Variants in KIAA0513 observed in about 807,000 individuals in gnomAD.
KIAA0513 encodes uncharacterized protein KIAA0513.
A neutral mutation model predicts 56.5 loss-of-function variants in KIAA0513; 39 were observed. That is an observed-to-expected ratio of 0.69 (90% CI 0.53 to 0.90). KIAA0513 has a LOEUF of 0.90. Ranked by LOEUF, KIAA0513 falls within the 40% of genes least tolerant of loss-of-function variation. The pLI is 0.00. For missense variants in KIAA0513, 591 were observed against 535.2 expected (o/e 1.10, Z -1.03); for synonymous variants, 268 against 215.6 (o/e 1.24, Z -2.13).
chr16:85,069,105 A>C (rs1262438290), intron 2 of KIAA0513, among the ~76,000 whole-genome samples: 1 of 151,958 alleles, frequency 6.6e-6, no homozygotes, highest in Non-Finnish European at 1.5e-5. Flanking sequence ...ATCACAGCTC[A>C]CTGCAGCCTC....
At chr16:85,073,096 C>A (rs1003844280) in intron 4 of KIAA0513, 98 bp downstream of exon 4, 8 of 972,720 alleles carry the variant, frequency 8.2e-6, no homozygotes, top group Non-Finnish European at 1.3e-5. Context: ...AGCTGTGAAC[C>A]ATATCCACAC....
rs572862005 is a variant in KIAA0513, at chr16:85,038,098, G to T, written c.-173+10240G>T. Among the ~76,000 whole-genome samples the T allele has an allele frequency of 3.4e-3, 525 of 152,312 alleles. 2 individuals are homozygous for T. Among genetic ancestry groups the T allele is most frequent in the Non-Finnish European group, 6.2e-3 (419 of 68,026 alleles). ...CTGCAAGTCCCTGCTTCCATGGGCT[G>T]GTCCCTGTAGCCCTCCCACCCTCAG... On this transcript the variant is annotated intron_variant, in intron 1 of 12. Transcript: ENST00000683363.
chr16:85,063,833 G>T (rs935369895), intron 1 of KIAA0513, among the ~76,000 whole-genome samples: 1 of 151,650 alleles, frequency 6.6e-6, no homozygotes, highest in Non-Finnish European at 1.5e-5. Flanking sequence ...TTCAGTATTC[G>T]CAGGCCTCTG....
At chr16:85,060,014 G>A (rs942044795) in intron 1 of KIAA0513, among the ~76,000 whole-genome samples, 3 of 152,228 alleles carry the variant, frequency 2.0e-5, no homozygotes, top group African/African-American at 7.2e-5. Flanking sequence ...AGGCTGGAGT[G>A]CAGTGGCGCT....
chr16:85,041,104 T>C (rs2073098801), intron 1 of KIAA0513, among the ~76,000 whole-genome samples: 1 of 152,104 alleles, frequency 6.6e-6, no homozygotes, highest in Admixed American at 6.6e-5. Flanking sequence ...AGAAAAGTGG[T>C]TGATTATATA....
chr16:85,042,963 A>G (rs2073123319), intron 1 of KIAA0513, among the ~76,000 whole-genome samples: 1 of 152,228 alleles, frequency 6.6e-6, no homozygotes, highest in African/African-American at 2.4e-5. Context: ...TTTTTAGAAA[A>G]CTGTGATTGT....
chr16:85,049,816 C>T (rs965556595), intron 1 of KIAA0513, among the ~76,000 whole-genome samples: 3 of 152,204 alleles, frequency 2.0e-5, no homozygotes, highest in Non-Finnish European at 2.9e-5. Flanking sequence ...AGAATGGCCT[C>T]ATTCACATTC....
intron 1 of KIAA0513, among the ~76,000 whole-genome samples, chr16:85,050,100 G>A (rs2073229205): frequency 6.6e-6 from 1 of 152,032 alleles, no homozygotes; most frequent in South Asian, 2.1e-4. Flanking sequence ...CTCAGTCAAT[G>A]GTGATCGCTG....
intron 1 of KIAA0513, among the ~76,000 whole-genome samples, chr16:85,062,907 C>T (rs1362106781): frequency 2.0e-5 from 3 of 152,178 alleles, no homozygotes; most frequent in African/African-American, 7.2e-5. Flanking sequence ...AATGACCTTT[C>T]CTTCTTAGAG....
At chr16:85,064,643 T>C (rs2073452818) in intron 1 of KIAA0513, among the ~76,000 whole-genome samples, 1 of 152,222 alleles carries the variant, frequency 6.6e-6, no homozygotes, top group African/African-American at 2.4e-5. Flanking sequence ...TATATCGTGG[T>C]TATTAGTATG....
intron 4 of KIAA0513, among the ~76,000 whole-genome samples, chr16:85,075,444 G>T (rs2073642277): frequency 6.6e-6 from 1 of 152,210 alleles, no homozygotes; most frequent in African/African-American, 2.4e-5. Context: ...AGCCAGGGAT[G>T]CGGGGAAGGT....
At chr16:85,075,417 G>C (rs2073641844) in intron 4 of KIAA0513, among the ~76,000 whole-genome samples, 1 of 152,198 alleles carries the variant, frequency 6.6e-6, no homozygotes, top group Admixed American at 6.5e-5. Flanking sequence ...TGCGAATGCT[G>C]TGGGCGGGAG....
intron 1 of KIAA0513, among the ~76,000 whole-genome samples, chr16:85,042,831 G>A (rs74033922): frequency 0.012 from 1,830 of 152,280 alleles, 38 homozygotes; most frequent in African/African-American, 0.041. Context: ...TTTGTGCCAG[G>A]CCTCGCCGTG....
chr16:85,088,394 G>A lies in KIAA0513; in HGVS notation c.*69G>A, dbSNP rs1487464123. On this transcript the variant is annotated 3_prime_UTR_variant, in exon 13 of 13. Transcript: ENST00000683363. The stretch of plus-strand genomic sequence containing the variant: ...ATTCTCCCGGGCCCAGCGCCCGGCC[G>A]TCACCCCACCCGATGACCTGCATGA... The A allele has an allele frequency of 7.9e-6, 11 of 1,392,168 alleles. No individual in the cohort carries two copies. Among genetic ancestry groups the A allele is most frequent in the South Asian group, 3.5e-5 (3 of 86,304 alleles). The allele number at this position is 1,392,168 out of a possible 1,614,324, so 86.2% of individuals were successfully genotyped here. A position where few individuals can be genotyped will look rare whatever the true frequency, so the allele number is the denominator to read the frequency against.
intron 1 of KIAA0513, among the ~76,000 whole-genome samples, chr16:85,035,057 G>C (rs534753474): frequency 4.4e-4 from 67 of 152,290 alleles, no homozygotes; most frequent in African/African-American, 1.6e-3. Context: ...CGAGCCGTCA[G>C]GTACCCTGCT....
intron 1 of KIAA0513, among the ~76,000 whole-genome samples, chr16:85,062,229 C>CAT (rs1041947708): frequency 3.3e-5 from 5 of 151,928 alleles, no homozygotes; most frequent in Non-Finnish European, 7.4e-5. Flanking sequence ...CACACACACA[C>CAT]ACACACCCCA....
rs757735347 is a variant in KIAA0513, at chr16:85,081,335, A to G, written c.923A>G (p.Asn308Ser). 2 of 1,609,440 alleles carry G rather than the reference A, an allele frequency of 1.2e-6. No individual in the cohort carries two copies. Among genetic ancestry groups the G allele is most frequent in the South Asian group, 1.1e-5 (1 of 89,958 alleles). ...QPIWHTLRFW[N>S]AAFFDAVHCE... ...TGCAGGCACACTCTGAGGTTCTGGAATGCAGCCTTTTTTGACGCTGTCCAT... is the reference window on the plus strand; with the variant it reads ...TGCAGGCACACTCTGAGGTTCTGGAGTGCAGCCTTTTTTGACGCTGTCCAT... The change falls in exon 9 of 13, where the codon AAT becomes AGT. Residue 308 changes from asparagine to serine, a missense_variant. Transcript: ENST00000683363. This position sits in a 1 kb window ranked among gnomAD's most constrained non-coding sequence, Gnocchi z 4.4.
At chr16:85,070,982 T>G (rs3794679) in intron 2 of KIAA0513, among the ~76,000 whole-genome samples, 53,730 of 152,130 alleles carry the variant, frequency 0.35, 10,867 homozygotes, top group African/African-American at 0.55. Context: ...TCTGATGCTG[T>G]TATTGAGAGT....
chr16:85,032,390 G>C, intron 1 of KIAA0513, among the ~76,000 whole-genome samples: 1 of 152,236 alleles, frequency 6.6e-6, no homozygotes, highest in East Asian at 1.9e-4. Flanking sequence ...CCGTAGTGCA[G>C]GGCATGATCT....
Sources: gnomAD v4.1 joint callset for allele counts (sites outside exome capture counted in the v4.1 genomes callset) on GRCh38, gnomAD v4.1.1 for gene constraint, Gnocchi (gnomAD v3.1) non-coding constraint, MANE v1.5 for transcripts, NCBI Gene and HGNC (gene_info 2026-07-23, HGNC 2026-07-21) for gene names.